FGF2: variants seen among roughly 807,000 people sequenced by gnomAD.
FGF2 encodes fibroblast growth factor 2, also known as basic fibroblast growth factor bFGF.
Under a neutral mutation model 15.9 loss-of-function variants are expected in FGF2, and 13 were observed. The ratio of observed to expected loss-of-function variants is 0.82; its 90% confidence interval spans 0.53 to 1.30. The LOEUF (loss-of-function observed/expected upper bound fraction) is 1.30, where lower values mean the gene tolerates loss of function less well. Ranked by LOEUF, FGF2 falls within the 50% of genes most tolerant of loss-of-function variation. The pLI is 0.00. For missense variants in FGF2, 163 were observed against 196.9 expected, an observed-to-expected ratio of 0.83 and a Z score of 1.03; for synonymous variants, 90 against 78.4, an observed-to-expected ratio of 1.15 and a Z score of -0.78.
chr4:122,828,723 A>G (rs1017868163), intron 1 of FGF2, among the ~76,000 whole-genome samples: 12 of 152,258 alleles, frequency 7.9e-5, no homozygotes, highest in African/African-American at 2.4e-4. Flanking sequence ...AATTTTTTTC[A>G]GGCTTGCCAT....
chr4:122,865,005 A>G (rs542628997), intron 1 of FGF2, among the ~76,000 whole-genome samples: 18 of 152,306 alleles, frequency 1.2e-4, no homozygotes, highest in Admixed American at 8.5e-4. Flanking sequence ...ATTATCCCCA[A>G]ATAATTGGTA....
intron 1 of FGF2, among the ~76,000 whole-genome samples, chr4:122,850,234 C>T (rs1038840581): frequency 7.9e-5 from 12 of 151,350 alleles, no homozygotes; most frequent in African/African-American, 2.7e-4. Context: ...TGCACTCCAT[C>T]CTGGGCAACA....
intron 1 of FGF2, among the ~76,000 whole-genome samples, chr4:122,833,794 G>A (rs147658502): frequency 1.5e-4 from 23 of 152,060 alleles, no homozygotes; most frequent in African/African-American, 5.5e-4. Context: ...TTAGATACTT[G>A]GTCAATCTTT....
At chr4:122,860,820 G>T (rs1260665177) in intron 1 of FGF2, among the ~76,000 whole-genome samples, 6 of 152,064 alleles carry the variant, frequency 3.9e-5, no homozygotes. Flanking sequence ...TACAACGCTG[G>T]TTCTAAAGTA....
rs115338210 is a variant in FGF2, at chr4:122,861,901, A to G, written c.179-14420A>G. ...GTTCTTTCTTTTCCTTACTATTGCTAATTCTTTCAGTCTCCAATCATTTGT... is the reference window on the plus strand; with the variant it reads ...GTTCTTTCTTTTCCTTACTATTGCTGATTCTTTCAGTCTCCAATCATTTGT... On this transcript the variant is annotated intron_variant, in intron 1 of 2. Coordinates refer to ENST00000644866, the MANE Select transcript of FGF2 (RefSeq NM_001361665.2). Among the ~76,000 whole-genome samples the G allele has an allele frequency of 2.7e-3, 418 of 152,014 alleles. 5 individuals are homozygous for G. Among genetic ancestry groups the G allele is most frequent in the African/African-American group, 9.6e-3 (399 of 41,402 alleles).
At chr4:122,835,444 G>A (rs976366144) in intron 1 of FGF2, among the ~76,000 whole-genome samples, 1 of 151,374 alleles carries the variant, frequency 6.6e-6, no homozygotes, top group African/African-American at 2.4e-5. Flanking sequence ...CTCTGTCTCT[G>A]TCTTGATTCC....
At chr4:122,850,496 AT>A (rs964899575) in intron 1 of FGF2, among the ~76,000 whole-genome samples, 5 of 152,078 alleles carry the variant, frequency 3.3e-5, no homozygotes, top group Non-Finnish European at 5.9e-5. Context: ...TAGATGTCTG[AT>A]TTTTTTCTTC....
At position 122,894,162 on chromosome 4, in the gene FGF2, GA is replaced by G. The variant is rs778578145; in HGVS notation, c.*1769del. 1.3e-5 allele frequency: 2 copies of G among 152,168 alleles called. No homozygotes were observed. The highest frequency in any genetic ancestry group is 2.4e-5 in the African/African-American group (1 of 41,424). 9.4% of individuals were successfully genotyped at this position (152,168 alleles called of 1,614,324 possible). ...TTGTTTTTTCCCTCTAATAGCTATG[GA>G]AAGATGCATAGAAAGAGTATAATGT... On this transcript the variant is annotated 3_prime_UTR_variant, in exon 3 of 3. Transcript: ENST00000644866.
intron 1 of FGF2, among the ~76,000 whole-genome samples, chr4:122,857,788 T>C (rs891931565): frequency 1.3e-5 from 2 of 152,230 alleles, no homozygotes; most frequent in Admixed American, 6.5e-5. Flanking sequence ...ATAAGTTAAA[T>C]GGTATGGCTT....
At chr4:122,846,824 G>A (rs1263361996) in intron 1 of FGF2, among the ~76,000 whole-genome samples, 1 of 152,200 alleles carries the variant, frequency 6.6e-6, no homozygotes, top group East Asian at 1.9e-4. Context: ...TTTCTCTGAG[G>A]TGCATGAATG....
chr4:122,891,107 C>T (rs1003276680), intron 2 of FGF2, among the ~76,000 whole-genome samples: 1 of 145,158 alleles, frequency 6.9e-6, no homozygotes, highest in African/African-American at 2.5e-5. Flanking sequence ...GTGGCGCGAT[C>T]TCGGCTCACT....
At chr4:122,880,992 A>C (rs1489260835) in intron 2 of FGF2, among the ~76,000 whole-genome samples, 1 of 152,036 alleles carries the variant, frequency 6.6e-6, no homozygotes. Flanking sequence ...ACTTCTGTGC[A>C]CCCTCAGGCT....
intron 2 of FGF2, among the ~76,000 whole-genome samples, chr4:122,884,127 C>T (rs1217408624): frequency 1.3e-5 from 2 of 152,128 alleles, no homozygotes; most frequent in African/African-American, 2.4e-5. Context: ...AAGGTTATTG[C>T]ATAATGAGAA....
chr4:122,892,392 G>T lies in FGF2; in HGVS notation c.464G>T (p.Ser155Ile). The change falls in exon 3 of 3, where the codon AGC becomes ATC. Residue 155 changes from serine (S) to isoleucine (I), a missense_variant. Physicochemically the swap from Ser to Ile is moderately radical, Grantham distance 142. Coordinates refer to ENST00000644866, the MANE Select transcript of FGF2 (RefSeq NM_001361665.2). ...CTTTTTCTTCCAATGTCTGCTAAGAGCTGATTTTAATGGCCACATCTAATC... is the reference window on the plus strand; with the variant it reads ...CTTTTTCTTCCAATGTCTGCTAAGATCTGATTTTAATGGCCACATCTAATC... ...AILFLPMSAK[S>I] 2 of 1,614,014 alleles carry T rather than the reference G, an allele frequency of 1.2e-6. No individual in the cohort carries two copies. Among genetic ancestry groups the T allele is most frequent in the Non-Finnish European group, 1.7e-6 (2 of 1,179,910 alleles).
intron 1 of FGF2, among the ~76,000 whole-genome samples, chr4:122,869,143 CT>C (rs540372393): frequency 4.0e-4 from 61 of 152,026 alleles, no homozygotes; most frequent in African/African-American, 1.4e-3. Flanking sequence ...TCAGTTTTGG[CT>C]TTTGTTGCAA....
At chr4:122,860,287 G>C (rs149316934) in intron 1 of FGF2, among the ~76,000 whole-genome samples, 1 of 151,718 alleles carries the variant, frequency 6.6e-6, no homozygotes, top group Non-Finnish European at 1.5e-5. Flanking sequence ...ATATATTCTT[G>C]TATCAAGCAA....
rs1432243901 is a variant in FGF2 at position 122,840,928 on chromosome 4, G to A, written c.178+13576G>A. Among the ~76,000 whole-genome samples the A allele has an allele frequency of 2.0e-5, 3 of 152,040 alleles. No individual in the cohort carries two copies. The East Asian group carries it at 5.8e-4, about 29-fold the overall frequency. Reference sequence around the variant, plus strand: ...AAAAGTGGGATACAGGGTGTTTTTGGAAACTCTAGGTAAGTAGTAAGCTTG... The same window carrying A: ...AAAAGTGGGATACAGGGTGTTTTTGAAAACTCTAGGTAAGTAGTAAGCTTG... On this transcript the variant is annotated intron_variant, in intron 1 of 2. Coordinates refer to ENST00000644866, the MANE Select transcript of FGF2 (RefSeq NM_001361665.2).
At chr4:122,837,689 G>A (rs1725894199) in intron 1 of FGF2, among the ~76,000 whole-genome samples, 1 of 151,948 alleles carries the variant, frequency 6.6e-6, no homozygotes, top group Non-Finnish European at 1.5e-5. Flanking sequence ...TTTACTCACT[G>A]GCTGGATGAC....
intron 1 of FGF2, among the ~76,000 whole-genome samples, chr4:122,840,192 C>T (rs1352164994): frequency 6.6e-6 from 1 of 152,098 alleles, no homozygotes; most frequent in Non-Finnish European, 1.5e-5. Flanking sequence ...CACAATTCAG[C>T]CCATAGTATC....
Sources: allele counts gnomAD v4.1 joint callset (sites outside exome capture counted in the v4.1 genomes callset), GRCh38; gene constraint gnomAD v4.1.1; transcripts MANE v1.5; gene names NCBI Gene and HGNC (gene_info 2026-07-23, HGNC 2026-07-21).